The following FBXO11 variants were observed in gnomAD, a reference collection of about 807,000 sequenced individuals.
FBXO11 encodes F-box protein 11, also known as F-box only protein 11.
FBXO11 carries 13 observed loss-of-function variants against 117.0 expected under a neutral mutation model. The observed-to-expected ratio is 0.11, with a 90% CI of 0.07 to 0.18. The LOEUF (loss-of-function observed/expected upper bound fraction) is 0.18, where lower values mean the gene tolerates loss of function less well. FBXO11 is among the 10% of genes least tolerant of loss of function. FBXO11 has a pLI of 1.00. For synonymous variants in FBXO11, 490 were observed against 380.5 expected (o/e 1.29, Z -3.35); for missense variants, 767 against 1,164.4 (o/e 0.66, Z 4.97).
chr2:47,876,214 A>C (rs1258111964), intron 1 of FBXO11, among the ~76,000 whole-genome samples: 1 of 152,192 alleles, frequency 6.6e-6, no homozygotes, highest in Non-Finnish European at 1.5e-5. Context: ...TTTGGGAACA[A>C]AGCAAGAATA....
chr2:47,882,200 A>T (rs1441491873), intron 1 of FBXO11, among the ~76,000 whole-genome samples: 1 of 152,238 alleles, frequency 6.6e-6, no homozygotes, highest in African/African-American at 2.4e-5. Context: ...CTTAAGAACA[A>T]TGTGACTGGA....
Position 47,827,757 on chromosome 2 carries a change from T to G in FBXO11, c.1399-4397A>C, listed in dbSNP as rs192172083. Among the ~76,000 whole-genome samples the G allele has an allele frequency of 3.1e-4, 47 of 151,928 alleles. No homozygotes were observed. In the East Asian group the frequency reaches 8.9e-3, roughly 29 times the overall value. On this transcript the variant is annotated intron_variant, in intron 11 of 22. Coordinates refer to ENST00000403359, the MANE Select transcript of FBXO11 (RefSeq NM_001190274.2). ...TGTCTCCTAGGCTGGAGCGCAGTGG[T>G]ATGATCTTGGTTCATTGCAACCTCC...
At chr2:47,858,116 A>T (rs1165488033) in intron 1 of FBXO11, among the ~76,000 whole-genome samples, 2 of 151,836 alleles carry the variant, frequency 1.3e-5, no homozygotes. Flanking sequence ...TTTTATTTTT[A>T]TTTTTTTGAG....
chr2:47,855,095 A>G (rs1281674648), intron 1 of FBXO11, among the ~76,000 whole-genome samples: 3 of 152,250 alleles, frequency 2.0e-5, no homozygotes, highest in South Asian at 2.1e-4. Context: ...TGAGATCACT[A>G]TATCATTTTT....
intron 1 of FBXO11, among the ~76,000 whole-genome samples, chr2:47,870,370 A>G (rs990831456): frequency 3.3e-5 from 5 of 152,122 alleles, no homozygotes; most frequent in African/African-American, 1.2e-4. Flanking sequence ...TTATGTCCTA[A>G]TCCCTGATAC....
chr2:47,880,403 G>C (rs1676350715), intron 1 of FBXO11, among the ~76,000 whole-genome samples: 1 of 152,010 alleles, frequency 6.6e-6, no homozygotes, highest in Non-Finnish European at 1.5e-5. Flanking sequence ...TTTATTCATT[G>C]ATCTGTTTGG....
rs371221697 is a variant in FBXO11 at position 47,901,103 on chromosome 2, ATG to A, written c.232+4384_232+4385del. Among the ~76,000 whole-genome samples the A allele has an allele frequency of 6.8e-3, 769 of 112,804 alleles. 13 individuals are homozygous for A. The highest frequency in any genetic ancestry group is 0.022 in the African/African-American group (672 of 31,216). 74.0% of individuals were successfully genotyped at this position (112,804 alleles called of 152,430 possible). A position where few individuals can be genotyped will look rare whatever the true frequency, so the allele number is the denominator to read the frequency against. ...CGTGTGTACATATATATACATATATATGTATATATGTACACACGTGTGTACAT... is the reference window on the plus strand; with the variant it reads ...CGTGTGTACATATATATACATATATATATATATGTACACACGTGTGTACAT... On this transcript the variant is annotated intron_variant, in intron 1 of 22. Transcript: ENST00000403359.
At chr2:47,895,134 C>A (rs1015200637) in intron 1 of FBXO11, among the ~76,000 whole-genome samples, 2 of 152,000 alleles carry the variant, frequency 1.3e-5, no homozygotes, top group Non-Finnish European at 2.9e-5. Context: ...ATAAAACTCA[C>A]ACGGAATGTG....
chr2:47,816,714 G>C (rs941153988), intron 16 of FBXO11, among the ~76,000 whole-genome samples: 1 of 152,150 alleles, frequency 6.6e-6, no homozygotes, highest in African/African-American at 2.4e-5. Flanking sequence ...ATCTGCATCA[G>C]AATTCTTGGG....
chr2:47,891,019 T>G (rs1282181371), intron 1 of FBXO11, among the ~76,000 whole-genome samples: 5 of 151,390 alleles, frequency 3.3e-5, no homozygotes, highest in African/African-American at 9.7e-5. Flanking sequence ...AGATGGAGTC[T>G]CCCTATGTTG....
intron 1 of FBXO11, among the ~76,000 whole-genome samples, chr2:47,893,166 T>TTAAATAAATAAATAAATAAA (rs369987358): frequency 0.058 from 8,137 of 141,472 alleles, 332 homozygotes; most frequent in Non-Finnish European, 0.095. Context: ...AAAAAATAAA[T>TTAAATAAATAAATAAATAAA]TAAATAAATA....
intron 16 of FBXO11, among the ~76,000 whole-genome samples, chr2:47,815,306 T>C (rs537526876): frequency 8.5e-5 from 13 of 152,330 alleles, no homozygotes; most frequent in African/African-American, 2.9e-4. Flanking sequence ...CCCCTTCCCC[T>C]GGGTATCCCC....
At chr2:47,872,206 G>A (rs1675672223) in intron 1 of FBXO11, among the ~76,000 whole-genome samples, 1 of 152,312 alleles carries the variant, frequency 6.6e-6, no homozygotes, top group East Asian at 1.9e-4. Context: ...TCTGTGTGAG[G>A]TTTTAACTGG....
At chr2:47,857,948 T>C (rs72811504) in intron 1 of FBXO11, among the ~76,000 whole-genome samples, 38 of 151,838 alleles carry the variant, frequency 2.5e-4, no homozygotes, top group African/African-American at 7.3e-4. Flanking sequence ...TATATATATA[T>C]ACACACACAC....
chr2:47,807,897 CTT>C lies in FBXO11; in HGVS notation c.*219_*220del, dbSNP rs1283461930. On this transcript the variant is annotated 3_prime_UTR_variant, in exon 23 of 23. Coordinates refer to ENST00000403359, the MANE Select transcript of FBXO11 (RefSeq NM_001190274.2). ...TTTCTTCACTTCTGTCCCTTCAAGT[CTT>C]TACACAGTAATGCTAAAACACCCAG... The C allele has an allele frequency of 3.4e-5, 16 of 465,048 alleles. No homozygotes were observed. In the East Asian group the frequency reaches 4.5e-4, roughly 13 times the overall value. 28.8% of individuals were successfully genotyped at this position (465,048 alleles called of 1,614,324 possible).
At chr2:47,891,519 C>A (rs1350141686) in intron 1 of FBXO11, among the ~76,000 whole-genome samples, 2 of 152,176 alleles carry the variant, frequency 1.3e-5, no homozygotes, top group East Asian at 1.9e-4. Flanking sequence ...CTTCATCTGT[C>A]AATGGACATG....
intron 1 of FBXO11, among the ~76,000 whole-genome samples, chr2:47,886,885 A>T (rs1676893488): frequency 6.6e-6 from 1 of 152,230 alleles, no homozygotes; most frequent in Non-Finnish European, 1.5e-5. Flanking sequence ...AAAAAAAATT[A>T]AAAATTAACT....
intron 1 of FBXO11, among the ~76,000 whole-genome samples, chr2:47,873,883 T>G (rs1424772598): frequency 6.6e-6 from 1 of 152,180 alleles, no homozygotes. Flanking sequence ...CTGCTTTGAG[T>G]ATAACTATTG....
At chr2:47,811,813 G>A (rs1025503059) in intron 18 of FBXO11, among the ~76,000 whole-genome samples, 20 of 152,122 alleles carry the variant, frequency 1.3e-4, no homozygotes, top group Middle Eastern at 6.8e-3. Flanking sequence ...TTACTACATT[G>A]CCTAGGCTGG....
Sources: gnomAD v4.1 joint callset for allele counts (sites outside exome capture counted in the v4.1 genomes callset) on GRCh38, gnomAD v4.1.1 for gene constraint, MANE v1.5 for transcripts, NCBI Gene and HGNC (gene_info 2026-07-23, HGNC 2026-07-21) for gene names.